Variants in DNAJC17 observed in about 807,000 individuals in gnomAD.
DNAJC17 encodes DnaJ heat shock protein family (Hsp40) member C17.
DNAJC17 carries 35 observed loss-of-function variants against 48.1 expected under a neutral mutation model. The ratio of observed to expected loss-of-function variants is 0.73; its 90% CI spans 0.56 to 0.96. The LOEUF is 0.96. DNAJC17 is among the 50% of genes least tolerant of loss of function. The pLI, the probability that DNAJC17 is intolerant of heterozygous loss-of-function variation, is 0.00. For missense variants in DNAJC17, 355 were observed against 377.1 expected, an observed-to-expected ratio of 0.94 and a Z score of 0.48; for synonymous variants, 117 against 142.7, an observed-to-expected ratio of 0.82 and a Z score of 1.28.
chr15:40,775,923 C>T (rs1160237202), intron 6 of DNAJC17, among the ~76,000 whole-genome samples: 1 of 152,156 alleles, frequency 6.6e-6, no homozygotes, highest in Non-Finnish European at 1.5e-5. Flanking sequence ...GGCCCCTCCC[C>T]GTGGTGATCT....
At chr15:40,797,942 G>A (rs1403357455) in intron 1 of DNAJC17, among the ~76,000 whole-genome samples, 1 of 151,306 alleles carries the variant, frequency 6.6e-6, no homozygotes, top group Non-Finnish European at 1.5e-5. Context: ...GGCTGGTCTT[G>A]AACTCCTGAC....
intron 1 of DNAJC17, among the ~76,000 whole-genome samples, chr15:40,802,787 CTTCT>C (rs1053336571): frequency 6.6e-6 from 1 of 152,080 alleles, no homozygotes; most frequent in Non-Finnish European, 1.5e-5. Context: ...TCCATTAGGG[CTTCT>C]TTGACTTTTG....
At chr15:40,779,075 G>C (rs1320676460) in intron 4 of DNAJC17, 148 bp downstream of exon 4, 3 of 761,304 alleles carry the variant, frequency 3.9e-6, no homozygotes, top group Non-Finnish European at 7.0e-6. Flanking sequence ...AGTGTCTTTA[G>C]GAACCAACCT....
In DNAJC17 at chr15:40,770,497, T is replaced by G. The variant is rs1450802519; in HGVS notation, c.793-2435A>C. On this transcript the variant is annotated intron_variant, in intron 10 of 10. Transcript: ENST00000220496. The surrounding 1 kb of genome is among the most constrained non-coding windows in gnomAD (Gnocchi z 5.0). The stretch of plus-strand genomic sequence containing the variant: ...TGTCTGCTGGCTCCCCTGGGCCCCA[T>G]GGAGACCTGGCGGAAAGGCTCCTTC... The G allele has an allele frequency of 6.5e-7, 1 of 1,548,482 alleles. No homozygotes were observed. Among genetic ancestry groups the G allele is most frequent in the Non-Finnish European group, 8.7e-7 (1 of 1,146,130 alleles).
rs898113638 is a variant in DNAJC17 at position 40,767,101 on chromosome 15, C to A, written c.*839G>T. ...AGGGGGCGTGCACTTACCCCAGCGC[C>A]CAGCAAGCAGCCAGCAAGTGTGAGT... is the stretch of plus-strand genomic sequence containing the variant. On this transcript the variant is annotated 3_prime_UTR_variant, in exon 11 of 11. Transcript: ENST00000220496. 9.9e-7 allele frequency: 1 copy of A among 1,013,546 alleles called. No individual in the cohort carries two copies. The highest frequency in any genetic ancestry group is 3.0e-5 in the Admixed American group (1 of 33,042). 62.8% of individuals were successfully genotyped at this position (1,013,546 alleles called of 1,614,324 possible).
At chr15:40,768,737 G>T (rs907107802) in intron 10 of DNAJC17, among the ~76,000 whole-genome samples, 8 of 152,252 alleles carry the variant, frequency 5.3e-5, no homozygotes, top group African/African-American at 1.9e-4. Flanking sequence ...CAGCTCTACA[G>T]CGGGACCTAA....
chr15:40,799,781 GCAC>G (rs1054634898), intron 1 of DNAJC17, among the ~76,000 whole-genome samples: 1 of 152,022 alleles, frequency 6.6e-6, no homozygotes, highest in Non-Finnish European at 1.5e-5. Flanking sequence ...AACATTATCT[GCAC>G]CACCAACAAT....
chr15:40,802,024 T>A (rs1280398553), intron 1 of DNAJC17, among the ~76,000 whole-genome samples: 12 of 151,856 alleles, frequency 7.9e-5, no homozygotes, highest in Non-Finnish European at 1.8e-4. Flanking sequence ...CAGGACCCGG[T>A]GATGTTCTAG....
intron 1 of DNAJC17, among the ~76,000 whole-genome samples, chr15:40,790,922 C>T (rs1889781117): frequency 6.6e-6 from 1 of 152,110 alleles, no homozygotes; most frequent in Non-Finnish European, 1.5e-5. Context: ...ACTGAGGGGA[C>T]TTGGAGATAC....
At chr15:40,803,101 C>CAAA (rs780051630) in intron 1 of DNAJC17, among the ~76,000 whole-genome samples, 1 of 45,578 alleles carries the variant, frequency 2.2e-5, no homozygotes, top group Non-Finnish European at 4.5e-5. Flanking sequence ...GACCCTGGGT[C>CAAA]AAAAAAAAAA....
intron 10 of DNAJC17, among the ~76,000 whole-genome samples, chr15:40,773,402 G>A (rs1440239906): frequency 6.6e-6 from 1 of 152,174 alleles, no homozygotes; most frequent in Non-Finnish European, 1.5e-5. Flanking sequence ...GCACTGGGTC[G>A]TCTAAGCTCC....
chr15:40,784,468 T>G (rs1889589729), intron 1 of DNAJC17, among the ~76,000 whole-genome samples: 1 of 152,220 alleles, frequency 6.6e-6, no homozygotes, highest in African/African-American at 2.4e-5. Context: ...GCTTTACATA[T>G]ATTAACTTAT....
At chr15:40,790,402 C>T (rs940153566) in intron 1 of DNAJC17, among the ~76,000 whole-genome samples, 8 of 151,990 alleles carry the variant, frequency 5.3e-5, no homozygotes, top group South Asian at 2.1e-4. Flanking sequence ...GGTGAAACCC[C>T]GTCTCTACTA....
At chr15:40,772,168 C>T (rs759259726) in intron 10 of DNAJC17, 1 of 167,102 alleles carries the variant, frequency 6.0e-6, no homozygotes. Context: ...AACCCTCCGA[C>T]GATGGGCCTG....
intron 1 of DNAJC17, chr15:40,780,219 T>C (rs1889445459): frequency 1.5e-6 from 1 of 656,084 alleles, no homozygotes; most frequent in African/African-American, 1.8e-5. Context: ...TCCTGCTAAG[T>C]GCTCAACCTC....
chr15:40,804,610 A>G (rs1243528359), intron 1 of DNAJC17, among the ~76,000 whole-genome samples: 1 of 152,118 alleles, frequency 6.6e-6, no homozygotes, highest in Non-Finnish European at 1.5e-5. Flanking sequence ...TAGACATAAA[A>G]ATAAAAAAAA....
At chr15:40,784,777 C>T (rs1889597236) in intron 1 of DNAJC17, among the ~76,000 whole-genome samples, 1 of 152,056 alleles carries the variant, frequency 6.6e-6, no homozygotes, top group Non-Finnish European at 1.5e-5. Flanking sequence ...GACTTTCATC[C>T]CCAACAGATG....
chr15:40,791,585 C>G (rs1342155349), intron 1 of DNAJC17, among the ~76,000 whole-genome samples: 1 of 152,024 alleles, frequency 6.6e-6, no homozygotes, highest in Non-Finnish European at 1.5e-5. Flanking sequence ...TGGCTCACAC[C>G]TGTAATCCCA....
At chr15:40,785,552 C>T (rs1889617599) in intron 1 of DNAJC17, among the ~76,000 whole-genome samples, 1 of 152,206 alleles carries the variant, frequency 6.6e-6, no homozygotes. Flanking sequence ...AAGCACCTGA[C>T]AAAAACTAGG....
Sources: allele counts gnomAD v4.1 joint callset (sites outside exome capture counted in the v4.1 genomes callset), GRCh38; gene constraint gnomAD v4.1.1; non-coding constraint Gnocchi (gnomAD v3.1); transcripts MANE v1.5; gene names NCBI Gene and HGNC (gene_info 2026-07-23, HGNC 2026-07-21).